KLF12: variants seen among roughly 807,000 people sequenced by gnomAD.
The protein encoded by KLF12 is Krueppel-like factor 12.
In KLF12, 9 loss-of-function variants were observed where a neutral mutation model predicts 37.8. The ratio of observed to expected loss-of-function variants is 0.24; its 90% CI spans 0.14 to 0.42. The LOEUF (loss-of-function observed/expected upper bound fraction) is 0.42, where lower values mean the gene tolerates loss of function less well. KLF12 is among the 10% of genes least tolerant of loss of function. The pLI, the probability that KLF12 is intolerant of heterozygous loss-of-function variation, is 1.00. For synonymous variants in KLF12, 208 were observed against 202.1 expected (o/e 1.03, Z -0.25); for missense variants, 411 against 516.0 (o/e 0.80, Z 1.97).
At chr13:73,972,068 G>C (rs963111737) in intron 2 of KLF12, among the ~76,000 whole-genome samples, 3 of 152,120 alleles carry the variant, frequency 2.0e-5, no homozygotes, top group Non-Finnish European at 4.4e-5. Context: ...GAAAAGAAAT[G>C]CCAACCTGTA....
intron 5 of KLF12, among the ~76,000 whole-genome samples, chr13:73,777,859 C>T (rs61957283): frequency 0.14 from 21,377 of 151,650 alleles, 2,040 homozygotes; most frequent in Non-Finnish European, 0.2. Flanking sequence ...AGCCTGGGCA[C>T]GGTGGCTCAT....
At chr13:74,165,727 G>A in the KLF12 span, among the ~76,000 whole-genome samples, 2 of 152,176 alleles carry the variant, frequency 1.3e-5, no homozygotes, top group Admixed American at 6.5e-5. Context: ...GAGGAGGAAG[G>A]GAAATGCCAG....
At chr13:74,302,361 A>G in the KLF12 span, among the ~76,000 whole-genome samples, 1 of 152,172 alleles carries the variant, frequency 6.6e-6, no homozygotes, top group Admixed American at 6.5e-5. Flanking sequence ...ACAGAGTGAA[A>G]AAGACAGTGT....
chr13:73,987,768 T>G (rs1333620543), intron 2 of KLF12, among the ~76,000 whole-genome samples: 1 of 65,146 alleles, frequency 1.5e-5, no homozygotes, highest in Non-Finnish European at 2.8e-5. Context: ...GAGAGGAAAT[T>G]GGAGAGGGGA....
At chr13:74,146,568 T>G in the KLF12 span, among the ~76,000 whole-genome samples, 1 of 152,232 alleles carries the variant, frequency 6.6e-6, no homozygotes, top group Admixed American at 6.5e-5. Context: ...ATCTGTCTAA[T>G]ATGTTTTCTT....
chr13:73,947,688 C>A (rs575983063), intron 2 of KLF12, among the ~76,000 whole-genome samples: 4 of 147,954 alleles, frequency 2.7e-5, no homozygotes, highest in Non-Finnish European at 5.9e-5. Context: ...ACACAGTAGT[C>A]GAGCTGACAT....
chr13:73,900,985 T>C (rs1888015316), intron 3 of KLF12, among the ~76,000 whole-genome samples: 2 of 152,156 alleles, frequency 1.3e-5, no homozygotes, highest in South Asian at 2.1e-4. Flanking sequence ...ACTTCCAGGG[T>C]AACTTAATTT....
At chr13:74,140,095 C>A in the KLF12 span, among the ~76,000 whole-genome samples, 1 of 152,032 alleles carries the variant, frequency 6.6e-6, no homozygotes, top group African/African-American at 2.4e-5. Context: ...TAGTGAATAT[C>A]TTAGCTTCTT....
intron 6 of KLF12, among the ~76,000 whole-genome samples, chr13:73,759,709 T>C (rs113677711): frequency 8.5e-5 from 13 of 152,186 alleles, no homozygotes; most frequent in African/African-American, 3.1e-4. Context: ...GTTTGGCATG[T>C]AACGTTTTTG....
intron 7 of KLF12, among the ~76,000 whole-genome samples, chr13:73,712,796 C>T (rs1272867836): frequency 1.3e-5 from 2 of 152,212 alleles, no homozygotes; most frequent in African/African-American, 4.8e-5. Flanking sequence ...GATTACGACT[C>T]TAAAGGCTCA....
chr13:74,154,413 A>G, the KLF12 span, among the ~76,000 whole-genome samples: 1 of 152,144 alleles, frequency 6.6e-6, no homozygotes, highest in Non-Finnish European at 1.5e-5. Context: ...TCTTTGTTCG[A>G]TTTTTGTTTA....
rs149630643 is a variant in KLF12 at position 73,717,670 on chromosome 13, T to C, written c.870-2145A>G. Among the ~76,000 whole-genome samples, 393 of 152,356 alleles carry C rather than the reference T, an allele frequency of 2.6e-3. 1 individual carries two copies. Among genetic ancestry groups the C allele is most frequent in the African/African-American group, 8.8e-3 (367 of 41,584 alleles). On this transcript the variant is annotated intron_variant, in intron 6 of 7. Transcript: ENST00000377669. Reference sequence around the variant, plus strand: ...GTAGAATGAAAGAACATATGTTATGTATGGCCAAGCCACTTTTTTCAGCTT... The same window carrying C: ...GTAGAATGAAAGAACATATGTTATGCATGGCCAAGCCACTTTTTTCAGCTT...
At chr13:73,918,956 C>T (rs2139203594) in intron 3 of KLF12, among the ~76,000 whole-genome samples, 1 of 152,290 alleles carries the variant, frequency 6.6e-6, no homozygotes, top group South Asian at 2.1e-4. Flanking sequence ...AGTTTGACTA[C>T]TCTGAAAACC....
intron 1 of KLF12, among the ~76,000 whole-genome samples, chr13:74,087,113 G>A (rs1875354509): frequency 6.6e-6 from 1 of 152,100 alleles, no homozygotes. Context: ...GTGCCCTTGA[G>A]GATGATGACA....
chr13:74,008,815 T>C (rs867638808), intron 1 of KLF12, among the ~76,000 whole-genome samples: 6 of 152,246 alleles, frequency 3.9e-5, no homozygotes, highest in Admixed American at 6.5e-5. Flanking sequence ...GTTCTGACTC[T>C]GCACTGATGA....
intron 1 of KLF12, among the ~76,000 whole-genome samples, chr13:74,007,892 A>T (rs1892455337): frequency 6.6e-6 from 1 of 152,148 alleles, no homozygotes; most frequent in Non-Finnish European, 1.5e-5. Flanking sequence ...ATGGAAAAAA[A>T]AAAACGCAAT....
intron 1 of KLF12, among the ~76,000 whole-genome samples, chr13:74,103,235 A>G (rs1366804610): frequency 6.6e-6 from 1 of 152,254 alleles, no homozygotes; most frequent in Non-Finnish European, 1.5e-5. Flanking sequence ...AACTAACTGT[A>G]GGACACTTTA....
intron 5 of KLF12, among the ~76,000 whole-genome samples, chr13:73,809,016 T>C (rs1054266094): frequency 1.3e-5 from 2 of 152,212 alleles, no homozygotes; most frequent in African/African-American, 2.4e-5. Flanking sequence ...TGAATCCTTT[T>C]TAGACCATGG....
the KLF12 span, among the ~76,000 whole-genome samples, chr13:74,293,592 G>A: frequency 6.6e-6 from 1 of 152,086 alleles, no homozygotes; most frequent in South Asian, 2.1e-4. Flanking sequence ...TGATAAAATA[G>A]ATTCTCTTCT....
Sources: allele counts gnomAD v4.1 joint callset (sites outside exome capture counted in the v4.1 genomes callset), GRCh38; gene constraint gnomAD v4.1.1; transcripts MANE v1.5; gene names NCBI Gene and HGNC (gene_info 2026-07-23, HGNC 2026-07-21).